Variants in PKP1 observed in about 807,000 individuals in gnomAD.
PKP1 encodes plakophilin 1, also known as plakophilin-1.
Under a neutral mutation model 76.4 loss-of-function variants are expected in PKP1, and 27 were observed. The ratio of observed to expected loss-of-function variants is 0.35; its 90% CI spans 0.26 to 0.49. PKP1 has a LOEUF of 0.49. Ranked by LOEUF, PKP1 falls within the 20% of genes least tolerant of loss-of-function variation. The pLI is 0.99. For missense variants in PKP1, 964 were observed against 955.2 expected, an observed-to-expected ratio of 1.01 and a Z score of -0.12; for synonymous variants, 404 against 384.2, an observed-to-expected ratio of 1.05 and a Z score of -0.60.
chr1:201,317,716 A>G lies in PKP1; in HGVS notation c.991A>G (p.Ile331Val). Residue 331 changes from isoleucine (I) to valine (V), a missense_variant, in exon 5 of 14, where the codon ATC becomes GTC. Physicochemically the swap from Ile to Val is conservative, Grantham distance 29. Coordinates refer to ENST00000367324, the MANE Select transcript of PKP1 (RefSeq NM_001005337.3). ...NKLETRRQNG[I>V]REAVSLLRRT... Reference sequence around the variant, plus strand: ...GCTGGAGACCCGGAGGCAGAATGGGATCCGCGAGGCAGTCAGCCTCCTGAG... The same window carrying G: ...GCTGGAGACCCGGAGGCAGAATGGGGTCCGCGAGGCAGTCAGCCTCCTGAG... 1.2e-6 allele frequency: 2 copies of G among 1,613,852 alleles called. No homozygotes were observed. Among genetic ancestry groups the G allele is most frequent in the Non-Finnish European group, 1.7e-6 (2 of 1,179,960 alleles).
At chr1:201,327,417 AAAGGG>A (rs1558197610) in intron 12 of PKP1, among the ~76,000 whole-genome samples, 2 of 152,194 alleles carry the variant, frequency 1.3e-5, no homozygotes, top group Admixed American at 6.5e-5. Context: ...AGGTCACAGC[AAAGGG>A]TGGCCCTTGT....
intron 1 of PKP1, among the ~76,000 whole-genome samples, chr1:201,292,511 C>G (rs1427604937): frequency 6.6e-6 from 1 of 152,142 alleles, no homozygotes; most frequent in Non-Finnish European, 1.5e-5. Context: ...GGTGACCTGG[C>G]GCTGGACAGG....
In PKP1 at chr1:201,283,605, G is replaced by A. The variant is rs934768246; in HGVS notation, c.-98G>A. On this transcript the variant is annotated 5_prime_UTR_variant, in exon 1 of 14. Coordinates refer to ENST00000367324, the MANE Select transcript of PKP1 (RefSeq NM_001005337.3). ...CTATGGCCGTAGGGAGCCGCTGAGA[G>A]CGAGAAGAGCACGCTCCTGCCCGCC... 1.1e-5 allele frequency: 12 copies of A among 1,066,952 alleles called. No individual in the cohort carries two copies. The highest frequency in any genetic ancestry group is 1.5e-5 in the Non-Finnish European group (11 of 711,622). 66.1% of individuals were successfully genotyped at this position (1,066,952 alleles called of 1,614,324 possible). A position where few individuals can be genotyped will look rare whatever the true frequency, so the allele number is the denominator to read the frequency against.
chr1:201,318,596 G>T (rs945312986), intron 5 of PKP1, 22 bp from the exon 6 acceptor site: 1 of 1,611,526 alleles, frequency 6.2e-7, no homozygotes, highest in Non-Finnish European at 8.5e-7. Context: ...CACAAATTGG[G>T]TTGATGGTCT....
chr1:201,297,345 G>A (rs927044182), intron 2 of PKP1, among the ~76,000 whole-genome samples: 5 of 152,142 alleles, frequency 3.3e-5, no homozygotes, highest in Admixed American at 6.5e-5. Flanking sequence ...TGGAACCTCA[G>A]AGCCCCACAG....
At chr1:201,294,261 G>T (rs1480565341) in intron 2 of PKP1, among the ~76,000 whole-genome samples, 4 of 152,204 alleles carry the variant, frequency 2.6e-5, no homozygotes, top group Non-Finnish European at 5.9e-5. Flanking sequence ...TGTCTCAAAT[G>T]ATAATATTTT....
At chr1:201,314,760 TA>T (rs1301854534) in intron 3 of PKP1, among the ~76,000 whole-genome samples, 62 of 152,370 alleles carry the variant, frequency 4.1e-4, no homozygotes, top group African/African-American at 1.4e-3. Context: ...GCCGACCATC[TA>T]CTACATGCCA....
chr1:201,325,876 C>T, intron 12 of PKP1, 38 bp downstream of exon 12: 1 of 1,509,870 alleles, frequency 6.6e-7, no homozygotes, highest in Non-Finnish European at 9.2e-7. Flanking sequence ...TGAGGTTCTT[C>T]CTGCTCATGA....
intron 2 of PKP1, among the ~76,000 whole-genome samples, chr1:201,311,086 C>G (rs979885886): frequency 6.6e-6 from 1 of 152,232 alleles, no homozygotes; most frequent in African/African-American, 2.4e-5. Flanking sequence ...TTATGGAGAA[C>G]AAGGGTGCTC....
chr1:201,290,332 G>A (rs1655876249), intron 1 of PKP1, among the ~76,000 whole-genome samples: 1 of 152,108 alleles, frequency 6.6e-6, no homozygotes, highest in Admixed American at 6.5e-5. Context: ...CCTGAGGATG[G>A]CACACAGGTT....
chr1:201,293,999 G>A lies in PKP1; in HGVS notation c.260G>A (p.Ser87Asn), dbSNP rs894879135. The change falls in exon 2 of 14, where the codon AGC (serine) becomes AAC (asparagine). Residue 87 changes from serine to asparagine, a missense_variant. By Grantham distance (46) the Ser-to-Asn change is conservative. Coordinates refer to ENST00000367324, the MANE Select transcript of PKP1 (RefSeq NM_001005337.3). ...NYNYGTTSRS[S>N]YYSKFQAGNG... is the part of the protein sequence containing the mutation. Reference sequence around the variant, plus strand: ...AACTATGGGACCACCAGCAGGAGCAGCTACTACTCCAAGTTCCAGGCAGGG... The same window carrying A: ...AACTATGGGACCACCAGCAGGAGCAACTACTACTCCAAGTTCCAGGCAGGG... 1.1e-5 allele frequency: 17 copies of A among 1,614,020 alleles called. No individual in the cohort carries two copies. Among genetic ancestry groups the A allele is most frequent in the Non-Finnish European group, 1.2e-5 (14 of 1,179,928 alleles).
At chr1:201,308,525 A>C (rs1436715238) in intron 2 of PKP1, among the ~76,000 whole-genome samples, 1 of 152,222 alleles carries the variant, frequency 6.6e-6, no homozygotes, top group African/African-American at 2.4e-5. Context: ...TTATGGAGAC[A>C]GGGCTGGGTT....
chr1:201,319,839 T>G, intron 6 of PKP1: 1 of 1,614,112 alleles, frequency 6.2e-7, no homozygotes, highest in Non-Finnish European at 8.5e-7. Flanking sequence ...ATGCGGGAGC[T>G]TCTGGCTCTT....
At chr1:201,294,458 T>G (rs1656019506) in intron 2 of PKP1, among the ~76,000 whole-genome samples, 1 of 152,178 alleles carries the variant, frequency 6.6e-6, no homozygotes, top group African/African-American at 2.4e-5. Flanking sequence ...CAAGAGAACA[T>G]GTCCACTGCA....
chr1:201,308,300 T>G (rs983111944), intron 2 of PKP1, among the ~76,000 whole-genome samples: 1 of 152,212 alleles, frequency 6.6e-6, no homozygotes, highest in Non-Finnish European at 1.5e-5. Flanking sequence ...CCATGGGAAC[T>G]GCAGTGCTGT....
intron 12 of PKP1, among the ~76,000 whole-genome samples, chr1:201,327,592 C>G (rs577899682): frequency 2.7e-4 from 41 of 151,964 alleles, no homozygotes; most frequent in African/African-American, 9.9e-4. Context: ...AAGCATTCAG[C>G]TTACCCCAAA....
chr1:201,317,642 C>A lies in PKP1; in HGVS notation c.917C>A (p.Ala306Asp), dbSNP rs1029639917. 3.7e-6 allele frequency: 6 copies of A among 1,613,910 alleles called. No homozygotes were observed. The African/African-American group carries it at 8.0e-5, about 22-fold the overall frequency. Residue 306 changes from alanine to aspartate, a missense_variant, in exon 5 of 14, where the codon GCC (alanine) becomes GAC (aspartate). Transcript: ENST00000367324. The part of the protein sequence containing the change: ...LRSPNQNVQQ[A>D]AAGALRNLVF... ...AGCCCCAACCAGAACGTCCAGCAGG[C>A]CGCGGCAGGGGCCCTGCGCAACCTG...
chr1:201,323,287 T>C, intron 9 of PKP1, 98 bp downstream of exon 9: 1 of 1,181,638 alleles, frequency 8.5e-7, no homozygotes, highest in Non-Finnish European at 1.2e-6. Flanking sequence ...TCCCCTGACT[T>C]CGGAGCCTCC....
In PKP1 at chr1:201,330,965, T is replaced by C. The variant is rs3795630; in HGVS notation, c.*924T>C. ...CAGGAGAAAGAAGGTAAAAAATGAT[T>C]TTTTTAAGAAAAGCTATTTTATTGC... On this transcript the variant is annotated 3_prime_UTR_variant, in exon 14 of 14. Transcript: ENST00000367324. The C allele has an allele frequency of 0.045, 6,905 of 152,278 alleles. 209 individuals carry two copies. Among genetic ancestry groups the C allele is most frequent in the South Asian group, 0.067 (322 of 4,828 alleles). 9.4% of individuals were successfully genotyped at this position (152,278 alleles called of 1,614,324 possible).
Sources: gnomAD v4.1 joint callset for allele counts (sites outside exome capture counted in the v4.1 genomes callset) on GRCh38, gnomAD v4.1.1 for gene constraint, MANE v1.5 for transcripts, NCBI Gene and HGNC (gene_info 2026-07-23, HGNC 2026-07-21) for gene names.